SLF1: variants seen among roughly 807,000 people sequenced by gnomAD.
SLF1 encodes SMC5-SMC6 complex localization factor protein 1.
SLF1 carries 105 observed loss-of-function variants against 123.0 expected under a neutral mutation model. The observed-to-expected ratio is 0.85, with a 90% confidence interval of 0.73 to 1.00. The LOEUF is 1.00. Among genes scored for constraint, SLF1 ranks in the 50% least tolerant of loss-of-function variants. The probability of loss-of-function intolerance (pLI) is 0.00; values close to 1 mark genes in which losing one functional copy is unlikely to be tolerated. For missense variants in SLF1, 1,239 were observed against 1,223.0 expected, an observed-to-expected ratio of 1.01 and a Z score of -0.20; for synonymous variants, 434 against 406.6, an observed-to-expected ratio of 1.07 and a Z score of -0.81.
intron 3 of SLF1, among the ~76,000 whole-genome samples, chr5:94,629,443 G>A (rs1744967856): frequency 6.6e-6 from 1 of 152,002 alleles, no homozygotes. Context: ...TGAAAAGACT[G>A]GCACAAAATG....
intron 18 of SLF1, among the ~76,000 whole-genome samples, chr5:94,689,969 T>G (rs1752896455): frequency 6.6e-6 from 1 of 152,176 alleles, no homozygotes; most frequent in Admixed American, 6.5e-5. Context: ...TAATTCAGTC[T>G]TCATCTCTTT....
chr5:94,650,141 C>T (rs1031729134), intron 6 of SLF1, among the ~76,000 whole-genome samples: 1 of 152,036 alleles, frequency 6.6e-6, no homozygotes, highest in Non-Finnish European at 1.5e-5. Flanking sequence ...ACAAAAAGGA[C>T]ATTATTAGTT....
intron 15 of SLF1, among the ~76,000 whole-genome samples, chr5:94,683,108 TC>T (rs1752009577): frequency 6.6e-6 from 1 of 152,226 alleles, no homozygotes; most frequent in Non-Finnish European, 1.5e-5. Flanking sequence ...GGTTTTTTTT[TC>T]ATATCTTTGG....
chr5:94,687,671 G>A (rs764133645), intron 16 of SLF1, among the ~76,000 whole-genome samples: 3 of 151,360 alleles, frequency 2.0e-5, no homozygotes, highest in Non-Finnish European at 4.4e-5. Context: ...TAGCCTAGGT[G>A]GCACACTAAG....
At chr5:94,677,107 G>A (rs149914636) in intron 14 of SLF1, among the ~76,000 whole-genome samples, 42 of 152,260 alleles carry the variant, frequency 2.8e-4, no homozygotes, top group African/African-American at 1.0e-3. Context: ...CTGTTTATGA[G>A]TGTGTTAGTT....
chr5:94,630,807 A>G, intron 4 of SLF1, 64 bp downstream of exon 4: 2 of 1,490,290 alleles, frequency 1.3e-6, no homozygotes, highest in Non-Finnish European at 9.0e-7. Context: ...TTGCATGAGT[A>G]CTTTCTGTAT....
At chr5:94,675,385 T>C (rs1474589490) in intron 14 of SLF1, among the ~76,000 whole-genome samples, 1 of 152,250 alleles carries the variant, frequency 6.6e-6, no homozygotes, top group Admixed American at 6.5e-5. Context: ...TGTTCTCTTC[T>C]GTCAGCTTTA....
Position 94,694,946 on chromosome 5 carries a change from G to T in SLF1, c.2811G>T (p.Glu937Asp). ...TTACAAAAATAGAAGATACAGTGGA[G>T]AACTTTCATGCACAAGCAGAGAAAC... ...FAITKIEDTV[E>D]NFHAQAEKHF... Residue 937 changes from glutamate (E) to aspartate (D), a missense_variant, in exon 21 of 21, where the codon GAG becomes GAT. Glu to Asp is a conservative substitution (Grantham distance 45, BLOSUM62 2). Coordinates refer to ENST00000265140, the MANE Select transcript of SLF1 (RefSeq NM_032290.4). 1 of 1,612,538 alleles carries T rather than the reference G, an allele frequency of 6.2e-7. No individual in the cohort carries two copies. The highest frequency in any genetic ancestry group is 1.1e-5 in the South Asian group (1 of 90,998).
At chr5:94,659,930 G>A (rs1480038219) in intron 9 of SLF1, among the ~76,000 whole-genome samples, 2 of 152,132 alleles carry the variant, frequency 1.3e-5, no homozygotes, top group Non-Finnish European at 1.5e-5. Context: ...GGGCCCCCAA[G>A]TAGCAAACAT....
At position 94,685,982 on chromosome 5, in the gene SLF1, T is replaced by G. The variant is rs553069931; in HGVS notation, c.1976-591T>G. On this transcript the variant is annotated intron_variant, in intron 15 of 20. Transcript: ENST00000265140. ...CTTTATACATGCTCGTTTCATGTTT[T>G]TCTTCTTTACCTTGTGCCTTTCTTG... 7.9e-5 allele frequency among the ~76,000 whole-genome samples: 12 copies of G among 152,160 alleles called. No individual in the cohort carries two copies. In the South Asian group the frequency reaches 2.5e-3, roughly 32 times the overall value.
intron 15 of SLF1, among the ~76,000 whole-genome samples, chr5:94,684,227 A>G (rs1752129470): frequency 6.6e-6 from 1 of 152,140 alleles, no homozygotes; most frequent in African/African-American, 2.4e-5. Flanking sequence ...GTTGCAGTAC[A>G]CTCTGTGATG....
chr5:94,633,961 A>G (rs569813144), intron 4 of SLF1, among the ~76,000 whole-genome samples: 7 of 152,090 alleles, frequency 4.6e-5, no homozygotes, highest in Non-Finnish European at 7.4e-5. Flanking sequence ...TTTTTCTATT[A>G]GTTGCCCCCA....
chr5:94,671,339 A>G (rs1750423814), intron 14 of SLF1, among the ~76,000 whole-genome samples: 1 of 151,664 alleles, frequency 6.6e-6, no homozygotes, highest in African/African-American at 2.4e-5. Context: ...AATCCATACA[A>G]TTTTTGAGGG....
At chr5:94,630,810 T>G in intron 4 of SLF1, 67 bp downstream of exon 4, 1 of 1,483,770 alleles carries the variant, frequency 6.7e-7, no homozygotes, top group East Asian at 2.5e-5. Flanking sequence ...CATGAGTACT[T>G]TCTGTATTTT....
In SLF1 at chr5:94,622,042, G is replaced by A. The variant is rs187769037; in HGVS notation, c.-1+3277G>A. Among the ~76,000 whole-genome samples, 136 of 152,298 alleles carry A rather than the reference G, an allele frequency of 8.9e-4. 4 individuals are homozygous for A. The highest frequency in any genetic ancestry group is 1.8e-4 in the Non-Finnish European group (12 of 68,012). ...GCCTAATTTGGCTCCTAGGCCTAAA[G>A]GGGCCAGAATTTCTAAACGCCACTT... On this transcript the variant is annotated intron_variant, in intron 1 of 20. Transcript: ENST00000265140.
intron 3 of SLF1, 73 bp from the exon 4 acceptor site, chr5:94,630,430 T>C: frequency 1.4e-6 from 2 of 1,441,286 alleles, no homozygotes; most frequent in Non-Finnish European, 1.9e-6. Flanking sequence ...TTGACTTTTA[T>C]ATTTGATCTT....
At chr5:94,649,412 T>C in intron 5 of SLF1, 42 bp from the exon 6 acceptor site, 4 of 1,376,588 alleles carry the variant, frequency 2.9e-6, no homozygotes, top group South Asian at 1.8e-5. Context: ...ATATTGAAAA[T>C]ACACTTAGAT....
intron 15 of SLF1, among the ~76,000 whole-genome samples, chr5:94,681,579 G>T (rs979839034): frequency 6.6e-6 from 1 of 151,914 alleles, no homozygotes; most frequent in African/African-American, 2.4e-5. Context: ...CATGTGCCAT[G>T]CTGGTGCGCT....
chr5:94,692,286 A>T, intron 20 of SLF1, 30 bp downstream of exon 20: 1 of 1,593,442 alleles, frequency 6.3e-7, no homozygotes, highest in African/African-American at 1.3e-5. Flanking sequence ...ATGGGTTTTG[A>T]TAAATTATCC....
Sources: allele counts gnomAD v4.1 joint callset (sites outside exome capture counted in the v4.1 genomes callset), GRCh38; gene constraint gnomAD v4.1.1; transcripts MANE v1.5; gene names NCBI Gene and HGNC (gene_info 2026-07-23, HGNC 2026-07-21).